Variants in MYO1E observed in about 807,000 individuals in gnomAD.
The protein encoded by MYO1E is myosin IE.
In MYO1E, 68 loss-of-function variants were observed where a neutral mutation model predicts 151.1. That is an observed-to-expected ratio of 0.45 (90% CI 0.37 to 0.55). The LOEUF (loss-of-function observed/expected upper bound fraction) is 0.55, where lower values mean the gene tolerates loss of function less well. Among genes scored for constraint, MYO1E ranks in the 20% least tolerant of loss-of-function variants. The probability of loss-of-function intolerance (pLI) is 0.00; values close to 1 mark genes in which losing one functional copy is unlikely to be tolerated. For synonymous variants in MYO1E, 601 were observed against 501.7 expected, an observed-to-expected ratio of 1.20 and a Z score of -2.64; for missense variants, 1,363 against 1,389.3, an observed-to-expected ratio of 0.98 and a Z score of 0.30.
intron 1 of MYO1E, among the ~76,000 whole-genome samples, chr15:59,322,865 G>A (rs1363050820): frequency 6.6e-6 from 1 of 152,000 alleles, no homozygotes; most frequent in African/African-American, 2.4e-5. Flanking sequence ...AGGTATATAA[G>A]AAATGGTGCT....
chr15:59,272,170 G>C, intron 2 of MYO1E, 136 bp downstream of exon 2: 1 of 943,562 alleles, frequency 1.1e-6, no homozygotes, highest in Non-Finnish European at 1.7e-6. Context: ...TGCCAGGATG[G>C]TCTGGAACTC....
intron 22 of MYO1E, chr15:59,171,162 G>A (rs2079591351): frequency 6.4e-6 from 1 of 155,952 alleles, no homozygotes; most frequent in South Asian, 2.0e-4. Context: ...AGGACTTCGG[G>A]AGGACTTAGC....
chr15:59,268,094 A>G (rs1166419732), intron 2 of MYO1E, among the ~76,000 whole-genome samples: 2 of 152,254 alleles, frequency 1.3e-5, no homozygotes. Context: ...TTCTCGTCTT[A>G]ACAATTAAAC....
intron 1 of MYO1E, among the ~76,000 whole-genome samples, chr15:59,303,177 G>T (rs1223862541): frequency 6.6e-6 from 1 of 152,208 alleles, no homozygotes; most frequent in Non-Finnish European, 1.5e-5. Flanking sequence ...AGAATTAGAT[G>T]TCAGCTTGAT....
At chr15:59,198,992 A>C (rs2079785023) in intron 16 of MYO1E, among the ~76,000 whole-genome samples, 1 of 152,126 alleles carries the variant, frequency 6.6e-6, no homozygotes, top group Admixed American at 6.6e-5. Flanking sequence ...CCGTAGCATC[A>C]ATCTTTGGCT....
At chr15:59,233,970 GT>G (rs1197582485) in intron 5 of MYO1E, among the ~76,000 whole-genome samples, 3 of 151,240 alleles carry the variant, frequency 2.0e-5, no homozygotes, top group African/African-American at 7.3e-5. Flanking sequence ...AAATAATACT[GT>G]TTTAAAAAGT....
At chr15:59,196,707 T>C (rs896041941) in intron 16 of MYO1E, among the ~76,000 whole-genome samples, 5 of 152,164 alleles carry the variant, frequency 3.3e-5, no homozygotes, top group Admixed American at 6.5e-5. Flanking sequence ...GTGCAGGAAA[T>C]AGCATTCTTT....
chr15:59,235,025 C>G (rs540241146), intron 5 of MYO1E, among the ~76,000 whole-genome samples: 1 of 152,258 alleles, frequency 6.6e-6, no homozygotes, highest in East Asian at 1.9e-4. Context: ...CGCCATCACC[C>G]TCATCCATGG....
intron 3 of MYO1E, among the ~76,000 whole-genome samples, chr15:59,259,821 C>G (rs2080214944): frequency 1.3e-5 from 2 of 152,152 alleles, no homozygotes. Flanking sequence ...TTTCCTTTAC[C>G]TGATTCTTCC....
chr15:59,250,486 G>T (rs894025239), intron 4 of MYO1E, among the ~76,000 whole-genome samples: 1 of 152,120 alleles, frequency 6.6e-6, no homozygotes, highest in Non-Finnish European at 1.5e-5. Context: ...ACTCCACCTC[G>T]GGACCCTCCC....
chr15:59,272,393 A>G lies in MYO1E; in HGVS notation c.60T>C (p.Gly20=), dbSNP rs1339904479. The change falls in exon 2 of 28, where the codon GGT becomes GGC. Residue 20 remains glycine, a synonymous_variant. Transcript: ENST00000288235. ...TGGACAGTAGCACCATGTCGTCCAC[A>G]CCACTGTGCTTGACATTGTGGCTTT... ...HWQSHNVKHS[G]VDDMVLLSKI... 5.6e-6 allele frequency: 9 copies of G among 1,613,952 alleles called. No homozygotes were observed. The highest frequency in any genetic ancestry group is 7.6e-6 in the Non-Finnish European group (9 of 1,179,896).
intron 18 of MYO1E, among the ~76,000 whole-genome samples, chr15:59,185,119 T>C (rs557884755): frequency 6.6e-6 from 1 of 152,222 alleles, no homozygotes; most frequent in African/African-American, 2.4e-5. Context: ...CTTTTGCTCA[T>C]TTTTTTGATT....
At chr15:59,302,021 T>G (rs2080485459) in intron 1 of MYO1E, among the ~76,000 whole-genome samples, 1 of 152,030 alleles carries the variant, frequency 6.6e-6, no homozygotes, top group Non-Finnish European at 1.5e-5. Flanking sequence ...AACACCTACG[T>G]AAAGGTAGGT....
intron 1 of MYO1E, among the ~76,000 whole-genome samples, chr15:59,338,457 G>C (rs2080743633): frequency 6.6e-6 from 1 of 152,090 alleles, no homozygotes. Context: ...CTGAATTGCA[G>C]AGAACAGAGA....
chr15:59,332,745 G>A (rs866663859), intron 1 of MYO1E, among the ~76,000 whole-genome samples: 76 of 151,654 alleles, frequency 5.0e-4, no homozygotes, highest in Middle Eastern at 3.4e-3. Flanking sequence ...TTTTAGAGAC[G>A]AGGTCTCACT....
At chr15:59,183,433 C>T (rs977679923) in intron 18 of MYO1E, among the ~76,000 whole-genome samples, 12 of 151,504 alleles carry the variant, frequency 7.9e-5, no homozygotes, top group Admixed American at 3.9e-4. Context: ...CTCCTGGGCT[C>T]GAGTAATCCT....
chr15:59,218,076 G>A lies in MYO1E; in HGVS notation c.922C>T (p.Pro308Ser), dbSNP rs145427071. 4 of 1,614,168 alleles carry A rather than the reference G, an allele frequency of 2.5e-6. No homozygotes were observed. Among genetic ancestry groups the A allele is most frequent in the Non-Finnish European group, 3.4e-6 (4 of 1,180,030 alleles). The change falls in exon 10 of 28, where the codon CCT becomes TCT. Residue 308 changes from proline to serine, a missense_variant. Physicochemically the swap from Pro to Ser is moderately conservative, Grantham distance 74. Transcript: ENST00000288235. The stretch of plus-strand genomic sequence containing the variant: ...TGGTTTATCCCTAGCAGATATGCAG[G>A]AAAAGCTAAAACTGTAGAACATAAA... ...AVESEEFLAF[P>S]AYLLGINQDR...
At chr15:59,218,945 G>A (rs2079936820) in intron 9 of MYO1E, among the ~76,000 whole-genome samples, 1 of 152,198 alleles carries the variant, frequency 6.6e-6, no homozygotes, top group Non-Finnish European at 1.5e-5. Flanking sequence ...AGATTTAAAA[G>A]GTTAGGACAG....
chr15:59,151,050 C>CGT (rs1566964875), intron 26 of MYO1E, among the ~76,000 whole-genome samples: 45 of 129,098 alleles, frequency 3.5e-4, no homozygotes, highest in African/African-American at 1.4e-3. Flanking sequence ...CACACACACA[C>CGT]GCGCGCGCGC....
Sources: allele counts gnomAD v4.1 joint callset (sites outside exome capture counted in the v4.1 genomes callset), GRCh38; gene constraint gnomAD v4.1.1; transcripts MANE v1.5; gene names NCBI Gene and HGNC (gene_info 2026-07-23, HGNC 2026-07-21).